NLGN3: variants seen among roughly 807,000 people sequenced by gnomAD.
The protein encoded by NLGN3 is neuroligin 3.
NLGN3 carries 11 observed loss-of-function variants against 42.9 expected under a neutral mutation model. The ratio of observed to expected loss-of-function variants is 0.26; its 90% CI spans 0.16 to 0.42. The LOEUF (loss-of-function observed/expected upper bound fraction) is 0.42. Ranked by LOEUF, NLGN3 falls within the 10% of genes least tolerant of loss-of-function variation. The probability of loss-of-function intolerance (pLI) is 1.00; values close to 1 mark genes in which losing one functional copy is unlikely to be tolerated. For synonymous variants in NLGN3, 279 were observed against 312.7 expected, an observed-to-expected ratio of 0.89 and a Z score of 1.14; for missense variants, 374 against 733.8, an observed-to-expected ratio of 0.51 and a Z score of 5.67.
rs755989179 is a variant in NLGN3 at position 71,148,109 on chromosome X, G to A, written c.360G>A (p.Pro120=). 18 of 1,208,127 alleles carry A rather than the reference G, an allele frequency of 1.5e-5. No individual in the cohort carries two copies. Among genetic ancestry groups the A allele is most frequent in the Non-Finnish European group, 1.9e-5 (17 of 894,434 alleles). The change falls in exon 2 of 8, where the codon CCG becomes CCA. Residue 120 remains proline (P), a synonymous_variant. Transcript: ENST00000358741. ...CAGCTGTGCCCGAAGTCATGCTGCC[G>A]GTCTGGTTCACTGCCAACTTGGATA... The part of the protein sequence containing the change: ...IHTAVPEVML[P]VWFTANLDIV...
chrX:71,172,153 G>T (rs1370178930), downstream of NLGN3, among the ~76,000 whole-genome samples: 1 of 111,673 alleles, frequency 9.0e-6, no homozygotes, highest in African/African-American at 3.3e-5. Flanking sequence ...AAGAACTGGG[G>T]AGATGGTGTA....
chrX:71,166,566 C>T (rs1397234180), intron 6 of NLGN3, among the ~76,000 whole-genome samples: 2 of 112,101 alleles, frequency 1.8e-5, no homozygotes, highest in Non-Finnish European at 3.8e-5. Flanking sequence ...TCCCCAAGCC[C>T]TCAGAATGTG....
chrX:71,152,988 C>T (rs953763575), intron 3 of NLGN3, among the ~76,000 whole-genome samples: 1 of 111,869 alleles, frequency 8.9e-6, no homozygotes, highest in African/African-American at 3.2e-5. Context: ...GGCCTGGGGT[C>T]CCTCTACACG....
intron 5 of NLGN3, among the ~76,000 whole-genome samples, chrX:71,162,973 G>C (rs2092435251): frequency 8.9e-6 from 1 of 111,985 alleles, no homozygotes; most frequent in African/African-American, 3.2e-5. Flanking sequence ...CAAAAGCCTA[G>C]GGCAGGAGAA....
chrX:71,171,500 A>G (rs889183412), downstream of NLGN3, among the ~76,000 whole-genome samples: 24 of 108,823 alleles, frequency 2.2e-4, no homozygotes, highest in African/African-American at 7.0e-4. Flanking sequence ...TGGCAAAAAT[A>G]CTTCCTTCCT....
intron 5 of NLGN3, 32 bp downstream of exon 5, chrX:71,155,395 G>T: frequency 8.3e-7 from 1 of 1,205,022 alleles, no homozygotes; most frequent in Non-Finnish European, 1.1e-6. Context: ...CTGGAAGGAA[G>T]ACTGGCTTCG....
chrX:71,170,772 G>C lies in NLGN3; in HGVS notation c.*675G>C, dbSNP rs2092469103. The stretch of plus-strand genomic sequence containing the variant: ...GTGGAAGGAGAAAGGGGCTAGCACT[G>C]GATGGAGCTGGAGGGTCGTAGGGGA... On this transcript the variant is annotated 3_prime_UTR_variant, in exon 8 of 8. Transcript: ENST00000358741. 1 of 756,479 alleles carries C rather than the reference G, an allele frequency of 1.3e-6. No homozygotes were observed. Among genetic ancestry groups the C allele is most frequent in the Non-Finnish European group, 1.6e-6 (1 of 641,282 alleles). 62.3% of individuals were successfully genotyped at this position (756,479 alleles called of 1,213,427 possible). A position where few individuals can be genotyped will look rare whatever the true frequency, so the allele number is the denominator to read the frequency against.
chrX:71,173,461 GTCCAGCTAAAATGCCCAGC>G (rs2092474290), downstream of NLGN3, among the ~76,000 whole-genome samples: 1 of 112,169 alleles, frequency 8.9e-6, no homozygotes, highest in Admixed American at 9.5e-5. Flanking sequence ...CCAGCCCTGG[GTCCAGCTAAAATGCCCAGC>G]TCCTTGTTTG....
chrX:71,164,908 C>A (rs1392638400), intron 6 of NLGN3, among the ~76,000 whole-genome samples: 1 of 110,759 alleles, frequency 9.0e-6, no homozygotes, highest in African/African-American at 3.3e-5. Flanking sequence ...CATTTTTGGC[C>A]TCTCTCCTTG....
intron 5 of NLGN3, among the ~76,000 whole-genome samples, chrX:71,161,780 AAATAAATAAAT>A (rs1230047586): frequency 8.9e-6 from 1 of 112,045 alleles, no homozygotes; most frequent in African/African-American, 3.2e-5. Flanking sequence ...TTCTAAAAAA[AAATAAATAAAT>A]AATAAATAAA....
chrX:71,162,117 T>G (rs1242941218), intron 5 of NLGN3, among the ~76,000 whole-genome samples: 1 of 98,104 alleles, frequency 1.0e-5, no homozygotes, highest in Non-Finnish European at 2.0e-5. Flanking sequence ...TTTTGAGGGA[T>G]TTTTTTTTTT....
At chrX:71,146,172 GACAC>G (rs1168453634) in intron 1 of NLGN3, among the ~76,000 whole-genome samples, 494 of 38,130 alleles carry the variant, frequency 0.013, 5 homozygotes, top group African/African-American at 0.026. Context: ...CACACACACA[GACAC>G]ACACACACAC....
intron 5 of NLGN3, among the ~76,000 whole-genome samples, chrX:71,161,808 A>G (rs550212766): frequency 1.8e-5 from 2 of 112,339 alleles, no homozygotes; most frequent in South Asian, 7.4e-4. Context: ...TAAATCCTCC[A>G]TCCAGCCCTT....
chrX:71,163,482 T>C (rs1394104252), intron 5 of NLGN3, among the ~76,000 whole-genome samples: 1 of 111,801 alleles, frequency 8.9e-6, no homozygotes, highest in Non-Finnish European at 1.9e-5. Context: ...GGAGAGGGAC[T>C]GATTTGAACA....
intron 5 of NLGN3, among the ~76,000 whole-genome samples, chrX:71,155,820 C>G (rs764805852): frequency 9.0e-6 from 1 of 111,025 alleles, no homozygotes; most frequent in Non-Finnish European, 1.9e-5. Flanking sequence ...TGCAGGAAGA[C>G]GGTGATTTCT....
At position 71,167,448 on chromosome X, in the gene NLGN3, C is replaced by G; in HGVS notation, c.1351C>G (p.Arg451Gly). 8.3e-7 allele frequency: 1 copy of G among 1,210,847 alleles called. No individual in the cohort carries two copies. Among genetic ancestry groups the G allele is most frequent in the Non-Finnish European group, 1.1e-6 (1 of 895,105 alleles). ...YGYPEGKDTL[R>G]ETIKFMYTDW... Reference sequence around the variant, plus strand: ...CTATCCTGAGGGTAAGGACACCCTGCGAGAGACCATCAAGTTCATGTATAC... The same window carrying G: ...CTATCCTGAGGGTAAGGACACCCTGGGAGAGACCATCAAGTTCATGTATAC... Residue 451 changes from arginine (R) to glycine (G), a missense_variant, in exon 7 of 8, where the codon CGA becomes GGA. Around this residue, in one of 6 missense-constraint regions of NLGN3, gnomAD observed 142 missense variants for 359.1 expected, o/e 0.40. Transcript: ENST00000358741.
chrX:71,169,459 A>G lies in NLGN3; in HGVS notation c.1909A>G (p.Met637Val). The change falls in exon 8 of 8, where the codon ATG (methionine) becomes GTG (valine). Residue 637 changes from methionine (M) to valine (V), a missense_variant. By Grantham distance (21) the Met-to-Val change is conservative (BLOSUM62 1). Transcript: ENST00000358741. ...LVPHLYNLHD[M>V]FHYTSTTTKV... ...GCCCCACCTATACAACCTGCATGAC[A>G]TGTTCCACTATACGTCCACCACCAC... 8.3e-7 allele frequency: 1 copy of G among 1,211,139 alleles called. No individual in the cohort carries two copies. Among genetic ancestry groups the G allele is most frequent in the East Asian group, 3.0e-5 (1 of 33,819 alleles).
At chrX:71,155,796 C>A (rs2092406595) in intron 5 of NLGN3, among the ~76,000 whole-genome samples, 1 of 111,180 alleles carries the variant, frequency 9.0e-6, no homozygotes, top group Non-Finnish European at 1.9e-5. Flanking sequence ...TACACATCCA[C>A]CCCGCCATGC....
At chrX:71,168,853 GAA>G (rs1556351543) in intron 7 of NLGN3, among the ~76,000 whole-genome samples, 1 of 85,100 alleles carries the variant, frequency 1.2e-5, no homozygotes, top group Non-Finnish European at 2.1e-5. Flanking sequence ...AAGAAAGAAA[GAA>G]AGAAAGAAAG....
Sources: gnomAD v4.1 joint callset for allele counts (sites outside exome capture counted in the v4.1 genomes callset) on GRCh38, gnomAD v4.1.1 for gene constraint, gnomAD v4.1.1 regional missense constraint, MANE v1.5 for transcripts, NCBI Gene and HGNC (gene_info 2026-07-23, HGNC 2026-07-21) for gene names.